Variants in F8 observed in about 807,000 individuals in gnomAD.
F8 encodes antihemophilic factor.
Under a neutral mutation model 140.6 loss-of-function variants are expected in F8, and 12 were observed. That is an observed-to-expected ratio of 0.09 (90% CI 0.05 to 0.14). The LOEUF (loss-of-function observed/expected upper bound fraction) is 0.14, where lower values mean the gene tolerates loss of function less well. Ranked by LOEUF, F8 falls within the 10% of genes least tolerant of loss-of-function variation. The pLI is 1.00. For missense variants in F8, 1,354 were observed against 1,720.7 expected (o/e 0.79, Z 3.77); for synonymous variants, 585 against 614.6 (o/e 0.95, Z 0.71).
At chrX:154,991,531 T>C (rs1247397264) in intron 4 of F8, among the ~76,000 whole-genome samples, 1 of 112,356 alleles carries the variant, frequency 8.9e-6, no homozygotes, top group Non-Finnish European at 1.9e-5. Context: ...CCATTTCACC[T>C]GGAACTAGAA....
chrX:154,856,903 T>A (rs1569559291), intron 25 of F8, among the ~76,000 whole-genome samples: 1 of 111,947 alleles, frequency 8.9e-6, no homozygotes. Context: ...CCAGTCAGAG[T>A]ATGGGCTTAT....
intron 8 of F8, 140 bp downstream of exon 8, chrX:154,966,286 C>T (rs2073423056): frequency 2.2e-6 from 2 of 927,149 alleles, no homozygotes; most frequent in African/African-American, 4.0e-5. Context: ...TGTTAGTTTC[C>T]AAATGTTAAT....
At chrX:154,999,045 T>C (rs782248968) in intron 2 of F8, among the ~76,000 whole-genome samples, 10 of 110,638 alleles carry the variant, frequency 9.0e-5, no homozygotes, top group Non-Finnish European at 1.5e-4. Context: ...TCTAAAGTCT[T>C]CCATAAGTTC....
chrX:154,959,578 T>C (rs1245604784), intron 10 of F8, among the ~76,000 whole-genome samples: 1 of 111,950 alleles, frequency 8.9e-6, no homozygotes, highest in Non-Finnish European at 1.9e-5. Context: ...ATAGATGTCA[T>C]TGTTGACTAC....
chrX:154,977,574 T>C (rs1257268053), intron 6 of F8: 28 of 108,615 alleles, frequency 2.6e-4, no homozygotes, highest in African/African-American at 8.0e-4. Context: ...TTTTTTTTTT[T>C]TTTCTCTCTC....
At chrX:154,861,306 C>T (rs1341988646) in intron 24 of F8, among the ~76,000 whole-genome samples, 1 of 111,853 alleles carries the variant, frequency 8.9e-6, no homozygotes, top group Non-Finnish European at 1.9e-5. Flanking sequence ...TCTTATTCAA[C>T]TCTAAGCAAC....
intron 10 of F8, among the ~76,000 whole-genome samples, chrX:154,960,351 C>T (rs1005477297): frequency 8.1e-5 from 9 of 111,486 alleles, no homozygotes; most frequent in African/African-American, 2.9e-4. Flanking sequence ...ATGGATGCCT[C>T]TAGGGAGGCA....
chrX:154,845,536 C>A (rs1298084815), intron 25 of F8, among the ~76,000 whole-genome samples: 34 of 111,711 alleles, frequency 3.0e-4, no homozygotes, highest in South Asian at 1.5e-3. Context: ...TGTATGTGTC[C>A]AGGAATTTAT....
intron 17 of F8, 104 bp from the exon 18 acceptor site, chrX:154,904,192 T>C: frequency 3.6e-6 from 4 of 1,104,299 alleles, no homozygotes; most frequent in Non-Finnish European, 5.0e-6. Context: ...CTCCCACAGA[T>C]ATACTCTAAA....
Position 154,902,244 on chromosome X carries a change from A to C in F8, c.5999-77T>G. On this transcript the variant is annotated intron_variant, in intron 18 of 25. Transcript: ENST00000360256. ...CATGAGATACATTGGTTTATGCGAA[A>C]TATCAGAGTAGACCTACCAAATTTG... The C allele has an allele frequency of 5.2e-6, 4 of 770,649 alleles. No individual in the cohort carries two copies. In the Middle Eastern group the frequency reaches 8.6e-4, roughly 166 times the overall value. 63.5% of individuals were successfully genotyped at this position (770,649 alleles called of 1,213,427 possible).
chrX:155,007,147 A>C (rs1275578368), intron 1 of F8, among the ~76,000 whole-genome samples: 3 of 111,918 alleles, frequency 2.7e-5, no homozygotes, highest in African/African-American at 6.5e-5. Context: ...TTCCAGAAAA[A>C]AGTTGGGACA....
At chrX:154,981,259 T>C (rs1369360612) in intron 6 of F8, among the ~76,000 whole-genome samples, 8 of 111,205 alleles carry the variant, frequency 7.2e-5, no homozygotes, top group Non-Finnish European at 1.3e-4. Context: ...TTCACAGTCT[T>C]GCTCATGGGT....
intron 14 of F8, among the ~76,000 whole-genome samples, chrX:154,917,866 T>C (rs940257681): frequency 8.9e-6 from 1 of 112,050 alleles, no homozygotes; most frequent in African/African-American, 3.2e-5. Context: ...CCTCAGAACT[T>C]TTATTTTGAA....
At chrX:154,844,776 C>G (rs1162690899) in intron 25 of F8, among the ~76,000 whole-genome samples, 7 of 110,661 alleles carry the variant, frequency 6.3e-5, no homozygotes, top group African/African-American at 2.3e-4. Flanking sequence ...AATTGAATAC[C>G]CTTTATTTCT....
At chrX:154,963,308 G>A (rs1445433114) in intron 9 of F8, among the ~76,000 whole-genome samples, 1 of 111,983 alleles carries the variant, frequency 8.9e-6, no homozygotes, top group African/African-American at 3.3e-5. Context: ...TGCTGAAGTT[G>A]CTTATCAGCT....
intron 14 of F8, among the ~76,000 whole-genome samples, chrX:154,907,462 G>A (rs114296792): frequency 0.032 from 3,556 of 111,788 alleles, 117 homozygotes; most frequent in African/African-American, 0.11. Flanking sequence ...TCTGTTGGGC[G>A]GAATTACTAG....
intron 12 of F8, 123 bp from the exon 13 acceptor site, chrX:154,948,030 G>T: frequency 3.4e-6 from 2 of 581,958 alleles, no homozygotes; most frequent in Non-Finnish European, 5.7e-6. Flanking sequence ...CCCAGGAAGA[G>T]ATATTATATC....
chrX:154,895,125 G>A (rs1162395964), intron 22 of F8, among the ~76,000 whole-genome samples: 1 of 112,247 alleles, frequency 8.9e-6, no homozygotes, highest in Non-Finnish European at 1.9e-5. Context: ...GAACTCCTCT[G>A]CAAGGAGAAA....
rs781927272 is a variant in F8, at chrX:154,991,959, GT to G, written c.601+976del. ...TTCTAACTAATAGAATGTAGGTTAT[GT>G]GAGTGATTTCCAAGGTTACATTAGA... On this transcript the variant is annotated intron_variant, in intron 4 of 25. Transcript: ENST00000360256. Among the ~76,000 whole-genome samples, 10 of 111,954 alleles carry G rather than the reference GT, an allele frequency of 8.9e-5. 1 individual carries two copies. In the Admixed American group the frequency reaches 9.5e-4, roughly 11 times the overall value.
Sources: allele counts gnomAD v4.1 joint callset (sites outside exome capture counted in the v4.1 genomes callset), GRCh38; gene constraint gnomAD v4.1.1; transcripts MANE v1.5; gene names NCBI Gene and HGNC (gene_info 2026-07-23, HGNC 2026-07-21).